The following HPS3 variants were observed in gnomAD, a reference collection of about 807,000 sequenced individuals.
HPS3 encodes the protein BLOC-2 complex member HPS3.
Under a neutral mutation model 110.9 loss-of-function variants are expected in HPS3, and 79 were observed. The ratio of observed to expected loss-of-function variants is 0.71; its 90% CI spans 0.59 to 0.86. HPS3 has a LOEUF of 0.86. Ranked by LOEUF, HPS3 falls within the 40% of genes least tolerant of loss-of-function variation. The probability of loss-of-function intolerance (pLI) is 0.00; values close to 1 mark genes in which losing one functional copy is unlikely to be tolerated. For synonymous variants in HPS3, 428 were observed against 451.0 expected (o/e 0.95, Z 0.65); for missense variants, 1,197 against 1,206.2 (o/e 0.99, Z 0.11).
chr3:149,168,520 G>A (rs1724658209), intron 16 of HPS3: 1 of 156,434 alleles, frequency 6.4e-6, no homozygotes, highest in Non-Finnish European at 1.4e-5. Context: ...AATATAATTA[G>A]TTGTTTTCCC....
At chr3:149,130,759 G>A (rs904877460) in intron 1 of HPS3, among the ~76,000 whole-genome samples, 3 of 152,070 alleles carry the variant, frequency 2.0e-5, no homozygotes, top group Non-Finnish European at 2.9e-5. Context: ...GTGAGACTCC[G>A]TCCCAAAACA....
chr3:149,167,060 C>T lies in HPS3; in HGVS notation c.2616C>T (p.Asp872=), dbSNP rs1724496876. 1 of 1,613,380 alleles carries T rather than the reference C, an allele frequency of 6.2e-7. No homozygotes were observed. Among genetic ancestry groups the T allele is most frequent in the South Asian group, 1.1e-5 (1 of 91,084 alleles). Reference sequence around the variant, plus strand: ...CTCTTATATGTGGTCCTTCATTTGACATAGCTTCCATTATTCCGTTCTTGG... The same window carrying T: ...CTCTTATATGTGGTCCTTCATTTGATATAGCTTCCATTATTCCGTTCTTGG... ...LQSLICGPSF[D]IASIIPFLEP... The change falls in exon 15 of 17, where the codon GAC becomes GAT. Residue 872 remains aspartate (D), a synonymous_variant. Transcript: ENST00000296051.
chr3:149,153,612 C>G lies in HPS3; in HGVS notation c.1364C>G (p.Ala455Gly). Reference protein sequence around the residue: ...IILLTKAEPEAIPERRQSPKR... With the variant: ...IILLTKAEPEGIPERRQSPKR... The stretch of plus-strand genomic sequence containing the variant: ...CTTTTGACTAAAGCAGAACCTGAAG[C>G]CATTCCAGAGAGAAGACAGTCACCC... Residue 455 changes from alanine to glycine, a missense_variant, in exon 7 of 17, where the codon GCC becomes GGC. Coordinates refer to ENST00000296051, the MANE Select transcript of HPS3 (RefSeq NM_032383.5). 6.2e-7 allele frequency: 1 copy of G among 1,614,170 alleles called. No individual in the cohort carries two copies. Among genetic ancestry groups the G allele is most frequent in the Non-Finnish European group, 8.5e-7 (1 of 1,180,004 alleles).
chr3:149,158,759 A>T lies in HPS3; in HGVS notation c.1785A>T (p.Val595=), dbSNP rs150262900. The T allele has an allele frequency of 6.2e-7, 1 of 1,612,384 alleles. No individual in the cohort carries two copies. Among genetic ancestry groups the T allele is most frequent in the Non-Finnish European group, 8.5e-7 (1 of 1,178,430 alleles). Residue 595 remains valine (V), a synonymous_variant, in exon 10 of 17, where the codon GTA becomes GTT. Transcript: ENST00000296051. ...TTCTGGCCCGCACGGACTGGACAGT[A>T]GAGGATGGATTACAGAAATACGAGA... The part of the protein sequence containing the change: ...AEVLARTDWT[V]EDGLQKYERG...
In HPS3 at chr3:149,141,291, A is replaced by T. The variant is rs753183516; in HGVS notation, c.885-4A>T. ...TCCCTTTCTCTGTCTTTTTAAACCCACAGACGTTTTGCTCCTGATATTTCG... is the reference window on the plus strand; with the variant it reads ...TCCCTTTCTCTGTCTTTTTAAACCCTCAGACGTTTTGCTCCTGATATTTCG... On this transcript the variant is annotated splice_region_variant and splice_polypyrimidine_tract_variant and intron_variant, in intron 3 of 16. Coordinates refer to ENST00000296051, the MANE Select transcript of HPS3 (RefSeq NM_032383.5). The T allele has an allele frequency of 3.7e-6, 6 of 1,612,920 alleles. No individual in the cohort carries two copies. In the African/African-American group the frequency reaches 5.4e-5, roughly 14 times the overall value.
chr3:149,136,622 T>A (rs1722116233), intron 1 of HPS3, among the ~76,000 whole-genome samples: 1 of 152,186 alleles, frequency 6.6e-6, no homozygotes, highest in Non-Finnish European at 1.5e-5. Flanking sequence ...ATTCCTGATG[T>A]ATAAAATGAG....
intron 5 of HPS3, 92 bp from the exon 6 acceptor site, chr3:149,150,507 C>G: frequency 2.4e-6 from 2 of 838,330 alleles, no homozygotes; most frequent in Non-Finnish European, 4.0e-6. Context: ...TCACCCCTGC[C>G]CATTGCCCTG....
chr3:149,163,780 G>A, intron 13 of HPS3, 62 bp from the exon 14 acceptor site: 1 of 883,952 alleles, frequency 1.1e-6, no homozygotes, highest in Non-Finnish European at 1.9e-6. Context: ...TGCTCTTTGT[G>A]GAATGGATAA....
rs538480289 is a variant in HPS3, at chr3:149,155,379, A to G, written c.1509+164A>G. On this transcript the variant is annotated intron_variant, in intron 8 of 16. Coordinates refer to ENST00000296051, the MANE Select transcript of HPS3 (RefSeq NM_032383.5). The stretch of plus-strand genomic sequence containing the variant: ...TCTCTCTCTGCCTCCTCATTGTTAC[A>G]GCTTCTGACATCCGAGGAACCAGTA... 2.6e-5 allele frequency among the ~76,000 whole-genome samples: 4 copies of G among 152,226 alleles called. No homozygotes were observed. In the South Asian group the frequency reaches 6.2e-4, roughly 24 times the overall value.
At position 149,141,159 on chromosome 3, in the gene HPS3, A is replaced by G. The variant is rs1013548674; in HGVS notation, c.855A>G (p.Lys285=). ...CGGGATTAGCTGATGAAAAAAGAAAATATTCCCACTTTCAGCACCTGCTCT... is the reference window on the plus strand; with the variant it reads ...CGGGATTAGCTGATGAAAAAAGAAAGTATTCCCACTTTCAGCACCTGCTCT... ...ESTGLADEKR[K]YSHFQHLLYR... The change falls in exon 3 of 17, where the codon AAA becomes AAG. Residue 285 remains lysine, a synonymous_variant. Coordinates refer to ENST00000296051, the MANE Select transcript of HPS3 (RefSeq NM_032383.5). 4 of 1,611,556 alleles carry G rather than the reference A, an allele frequency of 2.5e-6. No individual in the cohort carries two copies. The highest frequency in any genetic ancestry group is 1.3e-5 in the African/African-American group (1 of 74,244).
At chr3:149,156,614 C>T (rs1278930462) in intron 8 of HPS3, among the ~76,000 whole-genome samples, 5 of 149,294 alleles carry the variant, frequency 3.3e-5, no homozygotes. Flanking sequence ...TATGCATTTT[C>T]AGCCAGAATA....
At chr3:149,164,216 T>C (rs1006615263) in intron 14 of HPS3, among the ~76,000 whole-genome samples, 2 of 152,206 alleles carry the variant, frequency 1.3e-5, no homozygotes, top group Non-Finnish European at 2.9e-5. Context: ...TTCCTCATTT[T>C]CAGGATGGGC....
At chr3:149,143,369 C>T (rs1576669938) in intron 4 of HPS3, among the ~76,000 whole-genome samples, 1 of 152,164 alleles carries the variant, frequency 6.6e-6, no homozygotes, top group African/African-American at 2.4e-5. Flanking sequence ...TCATTCAGTT[C>T]GCAGCTGAAG....
At chr3:149,162,950 T>C in intron 13 of HPS3, 72 bp downstream of exon 13, 1 of 1,229,686 alleles carries the variant, frequency 8.1e-7, no homozygotes, top group Non-Finnish European at 1.2e-6. Flanking sequence ...TTATTTTTAA[T>C]AACTTATTAT....
At chr3:149,133,999 A>G (rs1384487320) in intron 1 of HPS3, among the ~76,000 whole-genome samples, 1 of 152,220 alleles carries the variant, frequency 6.6e-6, no homozygotes, top group East Asian at 1.9e-4. Context: ...AAAAAAAATG[A>G]AAAGCCTTAC....
chr3:149,140,973 C>G (rs1321393591), intron 2 of HPS3, 44 bp from the exon 3 acceptor site: 1 of 1,559,572 alleles, frequency 6.4e-7, no homozygotes, highest in Admixed American at 1.7e-5. Flanking sequence ...GTTGTAAAAT[C>G]TAATTTTCAT....
intron 4 of HPS3, among the ~76,000 whole-genome samples, chr3:149,143,578 T>A (rs1239369712): frequency 1.3e-5 from 2 of 152,192 alleles, no homozygotes; most frequent in African/African-American, 4.8e-5. Context: ...ACCTGATGAA[T>A]GCTGACTGAA....
intron 15 of HPS3, among the ~76,000 whole-genome samples, chr3:149,167,451 A>C (rs1724537219): frequency 1.3e-5 from 2 of 151,886 alleles, no homozygotes; most frequent in Admixed American, 1.3e-4. Flanking sequence ...TATCATCATT[A>C]AACATCTTTT....
intron 6 of HPS3, among the ~76,000 whole-genome samples, chr3:149,151,163 A>G (rs1289482038): frequency 6.6e-6 from 1 of 150,966 alleles, no homozygotes; most frequent in East Asian, 1.9e-4. Flanking sequence ...GTGCACCACC[A>G]TGCCCTGCTG....
Sources: allele counts gnomAD v4.1 joint callset (sites outside exome capture counted in the v4.1 genomes callset), GRCh38; gene constraint gnomAD v4.1.1; transcripts MANE v1.5; gene names NCBI Gene and HGNC (gene_info 2026-07-23, HGNC 2026-07-21).